NUP85: variants seen among roughly 807,000 people sequenced by gnomAD.
The protein encoded by NUP85 is nucleoporin 85, also known as nuclear pore complex protein Nup85.
A neutral mutation model predicts 92.8 loss-of-function variants in NUP85; 23 were observed. The ratio of observed to expected loss-of-function variants is 0.25; its 90% confidence interval spans 0.18 to 0.35. The LOEUF is 0.35. Among genes scored for constraint, NUP85 ranks in the 10% least tolerant of loss-of-function variants. The probability of loss-of-function intolerance (pLI) is 1.00; values close to 1 mark genes in which losing one functional copy is unlikely to be tolerated. For missense variants in NUP85, 759 were observed against 822.8 expected, an observed-to-expected ratio of 0.92 and a Z score of 0.95; for synonymous variants, 314 against 306.9, an observed-to-expected ratio of 1.02 and a Z score of -0.24.
Position 75,218,324 on chromosome 17 carries a change from C to T in NUP85, c.597+18C>T. On this transcript the variant is annotated intron_variant, in intron 7 of 18. Transcript: ENST00000245544. Reference sequence around the variant, plus strand: ...GGAACTTGGTAAGACAGGCCGGGCCCCCACCTCCCACCATGTGTCCTACTG... The same window carrying T: ...GGAACTTGGTAAGACAGGCCGGGCCTCCACCTCCCACCATGTGTCCTACTG... The T allele has an allele frequency of 6.2e-7, 1 of 1,611,636 alleles. No individual in the cohort carries two copies.
intron 1 of NUP85, among the ~76,000 whole-genome samples, chr17:75,207,246 CG>C (rs778255197): frequency 1.3e-5 from 2 of 151,120 alleles, no homozygotes; most frequent in Non-Finnish European, 2.9e-5. Flanking sequence ...TGCAGTGGTG[CG>C]GTCTCGGCTC....
At chr17:75,213,180 T>A in intron 5 of NUP85, 61 bp downstream of exon 5, 1 of 1,531,324 alleles carries the variant, frequency 6.5e-7, no homozygotes, top group Non-Finnish European at 9.0e-7. Context: ...GGCACCCACC[T>A]GGGGTGGCTT....
intron 7 of NUP85, among the ~76,000 whole-genome samples, chr17:75,220,928 C>T (rs2075579511): frequency 7.0e-6 from 1 of 142,122 alleles, no homozygotes; most frequent in African/African-American, 2.6e-5. Context: ...ATTGCCCAGG[C>T]TGGAGTGCAG....
intron 11 of NUP85, chr17:75,228,921 C>T (rs1260696050): frequency 1.2e-5 from 12 of 985,334 alleles, no homozygotes; most frequent in African/African-American, 3.5e-5. Flanking sequence ...GGTGGGCATG[C>T]TTGACTGCTA....
At chr17:75,206,267 A>G (rs1008693298) in intron 1 of NUP85, among the ~76,000 whole-genome samples, 2 of 152,106 alleles carry the variant, frequency 1.3e-5, no homozygotes, top group African/African-American at 4.8e-5. Context: ...TGAAGACAGT[A>G]TGTCAACTGT....
In NUP85 at chr17:75,233,087, G is replaced by A; in HGVS notation, c.1544G>A (p.Cys515Tyr). 1 of 1,614,190 alleles carries A rather than the reference G, an allele frequency of 6.2e-7. No individual in the cohort carries two copies. The highest frequency in any genetic ancestry group is 8.5e-7 in the Non-Finnish European group (1 of 1,180,042). Residue 515 changes from cysteine to tyrosine, a missense_variant, in exon 16 of 19, where the codon TGC becomes TAC. Cys to Tyr is a radical substitution (Grantham distance 194, BLOSUM62 -2). Coordinates refer to ENST00000245544, the MANE Select transcript of NUP85 (RefSeq NM_024844.5). The part of the protein sequence containing the change: ...RFLRDYCERG[C>Y]FSDLDLIDNL... ...CTCAGGGATTACTGTGAGCGAGGCTGCTTTTCTGATTTGGATCTCATTGAC... is the reference window on the plus strand; with the variant it reads ...CTCAGGGATTACTGTGAGCGAGGCTACTTTTCTGATTTGGATCTCATTGAC...
At chr17:75,225,278 G>A (rs377658608) in intron 8 of NUP85, 41 bp downstream of exon 8, 1 of 1,609,770 alleles carries the variant, frequency 6.2e-7, no homozygotes, top group Non-Finnish European at 8.5e-7. Context: ...CACAGGAGAT[G>A]CGTGATTCAC....
At chr17:75,205,850 T>C in intron 1 of NUP85, 56 bp downstream of exon 1, 2 of 1,594,940 alleles carry the variant, frequency 1.3e-6, no homozygotes, top group Non-Finnish European at 1.7e-6. Context: ...CTGCGTCTGC[T>C]TAGTTACTTC....
intron 11 of NUP85, among the ~76,000 whole-genome samples, chr17:75,229,797 T>A (rs1471007591): frequency 3.9e-5 from 6 of 152,164 alleles, no homozygotes; most frequent in Non-Finnish European, 8.8e-5. Flanking sequence ...TCTCAGCCCT[T>A]CCTTCCAGTT....
intron 6 of NUP85, among the ~76,000 whole-genome samples, chr17:75,217,165 A>G (rs1015451456): frequency 6.6e-6 from 1 of 152,068 alleles, no homozygotes; most frequent in African/African-American, 2.4e-5. Flanking sequence ...GGCTCAAGCA[A>G]TCCTCCTGCC....
In NUP85 at chr17:75,226,267, C is replaced by T. The variant is rs1018267135; in HGVS notation, c.1094+110C>T. ...CCTTACCCTTCTTCCCTCAGACCTGCTATCTTAGTCCATCTCACGCTGATA... is the reference window on the plus strand; with the variant it reads ...CCTTACCCTTCTTCCCTCAGACCTGTTATCTTAGTCCATCTCACGCTGATA... On this transcript the variant is annotated intron_variant, in intron 11 of 18. Coordinates refer to ENST00000245544, the MANE Select transcript of NUP85 (RefSeq NM_024844.5). 10 of 759,818 alleles carry T rather than the reference C, an allele frequency of 1.3e-5. No homozygotes were observed. The African/African-American group carries it at 1.5e-4, about 12-fold the overall frequency. 47.1% of individuals were successfully genotyped at this position (759,818 alleles called of 1,614,324 possible). A position where few individuals can be genotyped will look rare whatever the true frequency, so the allele number is the denominator to read the frequency against.
chr17:75,213,424 G>A (rs1014815588), intron 5 of NUP85, among the ~76,000 whole-genome samples: 1 of 151,562 alleles, frequency 6.6e-6, no homozygotes, highest in Non-Finnish European at 1.5e-5. Flanking sequence ...CCGAGTAGCT[G>A]GGATTATAGG....
At chr17:75,233,682 C>T (rs2076194305) in intron 16 of NUP85, among the ~76,000 whole-genome samples, 1 of 150,466 alleles carries the variant, frequency 6.6e-6, no homozygotes, top group Admixed American at 6.6e-5. Flanking sequence ...CACTGCAACC[C>T]CCGCCTCCCG....
intron 16 of NUP85, among the ~76,000 whole-genome samples, chr17:75,234,091 G>A (rs1165289155): frequency 3.6e-5 from 5 of 137,664 alleles, no homozygotes; most frequent in East Asian, 4.3e-4. Flanking sequence ...TCACTCTGTC[G>A]CCCACGCTGG....
intron 9 of NUP85, 85 bp downstream of exon 9, chr17:75,225,549 C>A: frequency 1.3e-6 from 2 of 1,576,890 alleles, no homozygotes; most frequent in Non-Finnish European, 1.7e-6. Context: ...GAGCTTGGTC[C>A]TCCTTGGATA....
intron 18 of NUP85, 184 bp downstream of exon 18, chr17:75,235,385 T>C (rs764161181): frequency 4.5e-5 from 28 of 616,186 alleles, no homozygotes; most frequent in African/African-American, 3.5e-4. Context: ...AGTGTTCTCA[T>C]CTCTACATTT....
chr17:75,218,866 G>C (rs1289462913), intron 7 of NUP85, among the ~76,000 whole-genome samples: 4 of 152,156 alleles, frequency 2.6e-5, no homozygotes, highest in Non-Finnish European at 5.9e-5. Flanking sequence ...TACCACCTCA[G>C]CCTCTCAAGT....
At chr17:75,230,939 T>TTTTA (rs2076031946) in intron 11 of NUP85, among the ~76,000 whole-genome samples, 1 of 151,014 alleles carries the variant, frequency 6.6e-6, no homozygotes, top group Admixed American at 6.6e-5. Context: ...CTGAGCGATT[T>TTTTA]TTTTTTTTTT....
intron 4 of NUP85, among the ~76,000 whole-genome samples, chr17:75,212,693 A>G (rs1350384604): frequency 6.6e-6 from 1 of 151,836 alleles, no homozygotes; most frequent in Non-Finnish European, 1.5e-5. Context: ...GATAATTTTT[A>G]AATTATTTGT....
Sources: allele counts gnomAD v4.1 joint callset (sites outside exome capture counted in the v4.1 genomes callset), GRCh38; gene constraint gnomAD v4.1.1; transcripts MANE v1.5; gene names NCBI Gene and HGNC (gene_info 2026-07-23, HGNC 2026-07-21).